The following RCBTB1 variants were observed in gnomAD, a reference collection of about 807,000 sequenced individuals.
RCBTB1 encodes RCC1 and BTB domain containing protein 1.
In RCBTB1, 46 loss-of-function variants were observed where a neutral mutation model predicts 62.4. That is an observed-to-expected ratio of 0.74 (90% CI 0.58 to 0.94). RCBTB1 has a LOEUF of 0.94. RCBTB1 is among the 40% of genes least tolerant of loss of function. The pLI, the probability that RCBTB1 is intolerant of heterozygous loss-of-function variation, is 0.00. For synonymous variants in RCBTB1, 222 were observed against 245.8 expected, an observed-to-expected ratio of 0.90 and a Z score of 0.91; for missense variants, 565 against 654.9, an observed-to-expected ratio of 0.86 and a Z score of 1.50.
chr13:49,571,415 T>C (rs779240505), intron 2 of RCBTB1, among the ~76,000 whole-genome samples: 19 of 152,228 alleles, frequency 1.2e-4, no homozygotes, highest in Non-Finnish European at 2.1e-4. Flanking sequence ...TAGATTTGCC[T>C]GGTTAAACCT....
intron 4 of RCBTB1, among the ~76,000 whole-genome samples, chr13:49,561,926 T>C (rs1962459709): frequency 7.4e-6 from 1 of 135,700 alleles, no homozygotes; most frequent in African/African-American, 3.1e-5. Flanking sequence ...ACCCCACATC[T>C]ACTAAAAAAA....
intron 10 of RCBTB1, among the ~76,000 whole-genome samples, chr13:49,542,213 CAAAA>C (rs11285149): frequency 2.9e-5 from 4 of 139,374 alleles, no homozygotes; most frequent in Admixed American, 7.2e-5. Flanking sequence ...AACTCCGTCT[CAAAA>C]AAAAAAAAAA....
chr13:49,562,092 T>C (rs1355998661), intron 4 of RCBTB1, among the ~76,000 whole-genome samples: 1 of 149,064 alleles, frequency 6.7e-6, no homozygotes, highest in African/African-American at 2.5e-5. Context: ...AAAAGGACTC[T>C]ATCTCAAAGA....
intron 1 of RCBTB1, among the ~76,000 whole-genome samples, chr13:49,580,987 T>C (rs1279831782): frequency 6.6e-6 from 1 of 151,970 alleles, no homozygotes; most frequent in Non-Finnish European, 1.5e-5. Context: ...TTCAGCTACC[T>C]AAAGAGAAGC....
At chr13:49,563,355 CAAAAAAAAAAA>C (rs57586924) in intron 4 of RCBTB1, among the ~76,000 whole-genome samples, 2 of 52,208 alleles carry the variant, frequency 3.8e-5, no homozygotes, top group African/African-American at 8.1e-5. Flanking sequence ...GACCCTGCCT[CAAAAAAAAAAA>C]AAAAAAAAAA....
chr13:49,578,263 C>T (rs906325539), intron 2 of RCBTB1, among the ~76,000 whole-genome samples: 7 of 152,136 alleles, frequency 4.6e-5, no homozygotes. Flanking sequence ...AATGTAAATG[C>T]TTGGTAAATA....
At chr13:49,572,163 C>T (rs1963443801) in intron 2 of RCBTB1, among the ~76,000 whole-genome samples, 1 of 151,860 alleles carries the variant, frequency 6.6e-6, no homozygotes, top group Non-Finnish European at 1.5e-5. Context: ...CCTGCCTCTA[C>T]AAAAAATACA....
intron 9 of RCBTB1, chr13:49,547,102 G>T: frequency 7.8e-7 from 1 of 1,284,156 alleles, no homozygotes; most frequent in South Asian, 1.2e-5. Flanking sequence ...AGCTGGGTAT[G>T]CCATACATGT....
chr13:49,533,913 C>T lies in RCBTB1; in HGVS notation c.*209G>A. 1 of 452,106 alleles carries T rather than the reference C, an allele frequency of 2.2e-6. No homozygotes were observed. Among genetic ancestry groups the T allele is most frequent in the Non-Finnish European group, 3.9e-6 (1 of 257,412 alleles). 28.0% of individuals were successfully genotyped at this position (452,106 alleles called of 1,614,324 possible). A position where few individuals can be genotyped will look rare whatever the true frequency, so the allele number is the denominator to read the frequency against. On this transcript the variant is annotated 3_prime_UTR_variant, in exon 13 of 13. Coordinates refer to ENST00000378302, the MANE Select transcript of RCBTB1 (RefSeq NM_018191.4). ...TACGAAAGGTCACATTTAAAATACA[C>T]TTATCTGGAAACAAGGGTTGTTTAA...
intron 5 of RCBTB1, 67 bp from the exon 6 acceptor site, chr13:49,555,740 A>C: frequency 8.5e-7 from 1 of 1,178,676 alleles, no homozygotes; most frequent in South Asian, 1.5e-5. Context: ...AACACAAATA[A>C]TCATAAAAAT....
chr13:49,548,575 T>A (rs1055156449), intron 9 of RCBTB1, among the ~76,000 whole-genome samples: 5 of 105,002 alleles, frequency 4.8e-5, no homozygotes, highest in Non-Finnish European at 9.7e-5. Context: ...AACAGTTAAG[T>A]GACAAACAAA....
At chr13:49,556,102 C>A (rs1460944412) in intron 5 of RCBTB1, among the ~76,000 whole-genome samples, 3 of 151,988 alleles carry the variant, frequency 2.0e-5, no homozygotes, top group African/African-American at 7.3e-5. Flanking sequence ...CGGTATATGC[C>A]ACATAAGTAT....
intron 9 of RCBTB1, among the ~76,000 whole-genome samples, chr13:49,548,401 A>G (rs1021267025): frequency 2.6e-5 from 4 of 151,758 alleles, no homozygotes; most frequent in Admixed American, 6.6e-5. Context: ...AAAAAAAAAA[A>G]AAAAGAAAAG....
intron 5 of RCBTB1, 124 bp from the exon 6 acceptor site, chr13:49,555,797 T>C (rs1961811184): frequency 1.4e-6 from 1 of 726,668 alleles, no homozygotes; most frequent in Non-Finnish European, 2.2e-6. Context: ...TAAACGGTTC[T>C]ATATGCTTTA....
chr13:49,573,275 T>C (rs181453684), intron 2 of RCBTB1, among the ~76,000 whole-genome samples: 3 of 152,296 alleles, frequency 2.0e-5, no homozygotes, highest in Admixed American at 2.0e-4. Context: ...ATGGAGAGAT[T>C]ACAGGTGGCA....
intron 4 of RCBTB1, among the ~76,000 whole-genome samples, chr13:49,562,821 C>T (rs572984854): frequency 2.5e-5 from 3 of 118,600 alleles, no homozygotes; most frequent in South Asian, 5.9e-4. Context: ...GACATGGCCT[C>T]GCTATGTTGA....
chr13:49,572,330 A>C (rs2137351452), intron 2 of RCBTB1, among the ~76,000 whole-genome samples: 1 of 149,200 alleles, frequency 6.7e-6, no homozygotes, highest in South Asian at 2.1e-4. Context: ...CTGTCTCAGA[A>C]AAAAAAAAAA....
intron 2 of RCBTB1, among the ~76,000 whole-genome samples, chr13:49,574,745 C>A: frequency 6.6e-6 from 1 of 150,776 alleles, no homozygotes. Context: ...TAGCATATAC[C>A]CCAAAGAACT....
At chr13:49,547,672 C>T (rs1225956955) in intron 9 of RCBTB1, among the ~76,000 whole-genome samples, 3 of 152,158 alleles carry the variant, frequency 2.0e-5, no homozygotes, top group African/African-American at 7.2e-5. Context: ...AATTCCACTA[C>T]CCTTTATAAT....
Sources: allele counts gnomAD v4.1 joint callset (sites outside exome capture counted in the v4.1 genomes callset), GRCh38; gene constraint gnomAD v4.1.1; transcripts MANE v1.5; gene names NCBI Gene and HGNC (gene_info 2026-07-23, HGNC 2026-07-21).